Variants in SPTLC2 observed in about 807,000 individuals in gnomAD.
SPTLC2 encodes serine palmitoyltransferase long chain base subunit 2, also known as serine palmitoyltransferase 2.
A neutral mutation model predicts 62.0 loss-of-function variants in SPTLC2; 21 were observed. That is an observed-to-expected ratio of 0.34 (90% CI 0.24 to 0.49). SPTLC2 has a LOEUF of 0.49. SPTLC2 is among the 20% of genes least tolerant of loss of function. The pLI is 0.99. For missense variants in SPTLC2, 511 were observed against 713.0 expected, an observed-to-expected ratio of 0.72 and a Z score of 3.23; for synonymous variants, 261 against 261.8, an observed-to-expected ratio of 1.00 and a Z score of 0.03.
In SPTLC2 at chr14:77,519,440, G is replaced by A. The variant is rs111624295; in HGVS notation, c.1440-1273C>T. 1.8e-3 allele frequency among the ~76,000 whole-genome samples: 271 copies of A among 152,200 alleles called. 1 individual carries two copies. Among genetic ancestry groups the A allele is most frequent in the African/African-American group, 5.7e-3 (238 of 41,534 alleles). On this transcript the variant is annotated intron_variant, in intron 10 of 11. Transcript: ENST00000216484. Reference sequence around the variant, plus strand: ...TGTTTGAGAATAAAAAAATGTGGCCGGGCCAGTGGCTCGTGCCTGTAATCC... The same window carrying A: ...TGTTTGAGAATAAAAAAATGTGGCCAGGCCAGTGGCTCGTGCCTGTAATCC...
chr14:77,574,101 G>T (rs769089408), intron 4 of SPTLC2, among the ~76,000 whole-genome samples: 1 of 152,176 alleles, frequency 6.6e-6, no homozygotes, highest in Non-Finnish European at 1.5e-5. Flanking sequence ...ATAACCCACA[G>T]AATTATGAGA....
rs1479387662 is a variant in SPTLC2 at position 77,508,780 on chromosome 14, C to G, written c.*3504G>C. ...AAATTTTTTTTAAAAGCCAAAGGAG[C>G]TAGCTTAAGCCCCTAATGAAAAGCC... On this transcript the variant is annotated 3_prime_UTR_variant, in exon 12 of 12. Coordinates refer to ENST00000216484, the MANE Select transcript of SPTLC2 (RefSeq NM_004863.4). 6.6e-6 allele frequency: 1 copy of G among 152,130 alleles called. No homozygotes were observed. The highest frequency in any genetic ancestry group is 2.4e-5 in the African/African-American group (1 of 41,398). 9.4% of individuals were successfully genotyped at this position (152,130 alleles called of 1,614,324 possible).
Position 77,555,455 on chromosome 14 carries a change from A to G in SPTLC2, c.1021T>C (p.Leu341=). The change falls in exon 8 of 12, where the codon TTG becomes CTG. Residue 341 remains leucine, a synonymous_variant. Transcript: ENST00000216484. The part of the protein sequence containing the change: ...IALKKKYKAY[L]YLDEAHSIGA... ...ATGCTGTGAGCCTCATCCAGATACA[A>G]GTATGCCTTGTATTTCTTCTTGAGG... The G allele has an allele frequency of 6.2e-7, 1 of 1,614,204 alleles. No homozygotes were observed. Among genetic ancestry groups the G allele is most frequent in the Non-Finnish European group, 8.5e-7 (1 of 1,180,054 alleles).
In SPTLC2 at chr14:77,511,084, A is replaced by G. The variant is rs566743519; in HGVS notation, c.*1200T>C. On this transcript the variant is annotated 3_prime_UTR_variant, in exon 12 of 12. Transcript: ENST00000216484. The stretch of plus-strand genomic sequence containing the variant: ...AATTTCTCAGAAAAAAATAAAAAAT[A>G]TGTAGACAGGCAGACCCTAGCCCCA... 8 of 152,364 alleles carry G rather than the reference A, an allele frequency of 5.3e-5. No homozygotes were observed. Among genetic ancestry groups the G allele is most frequent in the Non-Finnish European group, 1.0e-4 (7 of 68,034 alleles). 9.4% of individuals were successfully genotyped at this position (152,364 alleles called of 1,614,324 possible). A position where few individuals can be genotyped will look rare whatever the true frequency, so the allele number is the denominator to read the frequency against.
intron 9 of SPTLC2, among the ~76,000 whole-genome samples, chr14:77,545,537 G>A (rs1457175470): frequency 6.6e-6 from 1 of 152,168 alleles, no homozygotes; most frequent in Non-Finnish European, 1.5e-5. Flanking sequence ...CCAAAGTGCT[G>A]GGATTACAGG....
At chr14:77,521,793 G>C (rs1012658264) in intron 9 of SPTLC2, among the ~76,000 whole-genome samples, 5 of 152,124 alleles carry the variant, frequency 3.3e-5, no homozygotes, top group Non-Finnish European at 4.4e-5. Context: ...AACAGCAGAA[G>C]TTATAATAAT....
At chr14:77,563,087 T>TC (rs1321748866) in intron 5 of SPTLC2, among the ~76,000 whole-genome samples, 4 of 133,072 alleles carry the variant, frequency 3.0e-5, no homozygotes, top group African/African-American at 1.6e-4. Context: ...CTCGGTTTGG[T>TC]TTTTTTTTTC....
chr14:77,558,228 T>C (rs2079595533), intron 6 of SPTLC2, among the ~76,000 whole-genome samples: 1 of 152,082 alleles, frequency 6.6e-6, no homozygotes, highest in Admixed American at 6.6e-5. Flanking sequence ...TGTACTTTTG[T>C]AGAGACGGGG....
chr14:77,555,971 C>T (rs149481859), intron 7 of SPTLC2, among the ~76,000 whole-genome samples: 1 of 151,980 alleles, frequency 6.6e-6, no homozygotes, highest in African/African-American at 2.4e-5. Context: ...CTTAAACTGA[C>T]AAAGGTAGAT....
intron 2 of SPTLC2, among the ~76,000 whole-genome samples, chr14:77,594,247 T>C (rs1174896815): frequency 6.6e-6 from 1 of 152,212 alleles, no homozygotes; most frequent in Non-Finnish European, 1.5e-5. Flanking sequence ...TCAACAAAAT[T>C]AGAAACTACT....
intron 1 of SPTLC2, among the ~76,000 whole-genome samples, chr14:77,609,018 G>T (rs543884813): frequency 1.3e-5 from 2 of 151,680 alleles, no homozygotes; most frequent in African/African-American, 4.8e-5. Context: ...CAGAAAGCCC[G>T]GATTGGCTAG....
chr14:77,529,586 T>A, intron 9 of SPTLC2, among the ~76,000 whole-genome samples: 1 of 151,044 alleles, frequency 6.6e-6, no homozygotes, highest in Admixed American at 6.6e-5. Context: ...GTTTGCTTTT[T>A]TTCACTTTTT....
At position 77,508,831 on chromosome 14, in the gene SPTLC2, T is replaced by C. The variant is rs1253247710; in HGVS notation, c.*3453A>G. 1.3e-5 allele frequency: 2 copies of C among 152,194 alleles called. No individual in the cohort carries two copies. Among genetic ancestry groups the C allele is most frequent in the African/African-American group, 4.8e-5 (2 of 41,456 alleles). 9.4% of individuals were successfully genotyped at this position (152,194 alleles called of 1,614,324 possible). A position where few individuals can be genotyped will look rare whatever the true frequency, so the allele number is the denominator to read the frequency against. Reference sequence around the variant, plus strand: ...TCCTCCTGAAATGTAAGGCTAAGTGTACAAACAGAACCAAGGCGTCTGATA... The same window carrying C: ...TCCTCCTGAAATGTAAGGCTAAGTGCACAAACAGAACCAAGGCGTCTGATA... On this transcript the variant is annotated 3_prime_UTR_variant, in exon 12 of 12. Transcript: ENST00000216484.
intron 10 of SPTLC2, among the ~76,000 whole-genome samples, chr14:77,520,147 A>AAG (rs3075857): frequency 0.96 from 145,526 of 152,124 alleles, 69,911 homozygotes; most frequent in East Asian, 1. Context: ...GCCTTCTTTA[A>AAG]AGAGAGCTCT....
chr14:77,537,008 C>T (rs1294173125), intron 9 of SPTLC2, among the ~76,000 whole-genome samples: 3 of 151,646 alleles, frequency 2.0e-5, no homozygotes, highest in Non-Finnish European at 2.9e-5. Flanking sequence ...CTGCAACCTC[C>T]GCCTCCCAGG....
intron 9 of SPTLC2, among the ~76,000 whole-genome samples, chr14:77,551,390 CAAAAAAAAAAAAA>C (rs11347331): frequency 1.6e-5 from 1 of 61,168 alleles, no homozygotes; most frequent in Non-Finnish European, 2.8e-5. Flanking sequence ...GACTCCGTCT[CAAAAAAAAAAAAA>C]AAAAAAAAAA....
rs116273474 is a variant in SPTLC2, at chr14:77,556,639, A to C, written c.956+402T>G. Reference sequence around the variant, plus strand: ...AATTCCTGGCCTCGAGCGACCTCCCACTTTTGCCTCCCAAAGTGTTGGGAT... The same window carrying C: ...AATTCCTGGCCTCGAGCGACCTCCCCCTTTTGCCTCCCAAAGTGTTGGGAT... On this transcript the variant is annotated intron_variant, in intron 7 of 11. Transcript: ENST00000216484. Among the ~76,000 whole-genome samples, 642 of 152,132 alleles carry C rather than the reference A, an allele frequency of 4.2e-3. 3 individuals carry two copies. The highest frequency in any genetic ancestry group is 0.014 in the African/African-American group (575 of 41,530).
At chr14:77,552,807 A>T (rs1384854701) in intron 8 of SPTLC2, among the ~76,000 whole-genome samples, 1 of 22,154 alleles carries the variant, frequency 4.5e-5, no homozygotes, top group African/African-American at 1.7e-4. Context: ...CTCCGTCTTA[A>T]AAAAAAAAAA....
intron 5 of SPTLC2, among the ~76,000 whole-genome samples, chr14:77,567,383 G>C (rs2140031186): frequency 6.6e-6 from 1 of 152,338 alleles, no homozygotes; most frequent in Admixed American, 6.5e-5. Context: ...TAATCCTCTA[G>C]TGTTAAAAAT....
Sources: gnomAD v4.1 joint callset for allele counts (sites outside exome capture counted in the v4.1 genomes callset) on GRCh38, gnomAD v4.1.1 for gene constraint, MANE v1.5 for transcripts, NCBI Gene and HGNC (gene_info 2026-07-23, HGNC 2026-07-21) for gene names.